MOCOS: variants seen among roughly 807,000 people sequenced by gnomAD.
MOCOS encodes the protein human molybdenum cofactor sulfurase.
A neutral mutation model predicts 83.6 loss-of-function variants in MOCOS; 86 were observed. The ratio of observed to expected loss-of-function variants is 1.03; its 90% CI spans 0.86 to 1.23. MOCOS has a LOEUF of 1.23. Among genes scored for constraint, MOCOS ranks in the 50% most tolerant of loss-of-function variants. MOCOS has a pLI of 0.00. For synonymous variants in MOCOS, 445 were observed against 434.7 expected (o/e 1.02, Z -0.29); for missense variants, 1,120 against 1,126.9 (o/e 0.99, Z 0.09).
At chr18:36,202,501 GA>G (rs1338608768) in intron 4 of MOCOS, among the ~76,000 whole-genome samples, 7 of 152,140 alleles carry the variant, frequency 4.6e-5, no homozygotes, top group Non-Finnish European at 7.3e-5. Context: ...GCCACCCTAG[GA>G]AATTTAGAGC....
intron 13 of MOCOS, among the ~76,000 whole-genome samples, chr18:36,263,883 A>G (rs931394729): frequency 2.0e-5 from 3 of 152,154 alleles, no homozygotes; most frequent in Non-Finnish European, 2.9e-5. Flanking sequence ...TTTCTTTTGT[A>G]TTGGTGTTTG....
intron 9 of MOCOS, among the ~76,000 whole-genome samples, chr18:36,238,705 C>T (rs1246822676): frequency 9.1e-6 from 1 of 109,714 alleles, no homozygotes; most frequent in Non-Finnish European, 2.1e-5. Context: ...CTTTCTGTCT[C>T]GTTGATCTGT....
chr18:36,249,056 G>A, intron 10 of MOCOS, 56 bp downstream of exon 10: 1 of 1,463,418 alleles, frequency 6.8e-7, no homozygotes, highest in Admixed American at 1.7e-5. Context: ...GGCACAGAGG[G>A]GGAAGAGGGT....
At position 36,268,679 on chromosome 18, in the gene MOCOS, C is replaced by T. The variant is rs770248924; in HGVS notation, c.2661C>T (p.Thr887=). The T allele has an allele frequency of 1.9e-6, 3 of 1,584,360 alleles. No individual in the cohort carries two copies. Among genetic ancestry groups the T allele is most frequent in the Non-Finnish European group, 2.6e-6 (3 of 1,171,342 alleles). ...LPASEKHQDV[T]S The stretch of plus-strand genomic sequence containing the variant: ...CATCTGAGAAACACCAGGATGTTAC[C>T]TCCTAAAAAAAATTTTTAGCATAAA... Residue 887 remains threonine, a synonymous_variant, in exon 15 of 15, where the codon ACC becomes ACT. Transcript: ENST00000261326.
At chr18:36,189,641 G>C (rs930583260) in intron 1 of MOCOS, among the ~76,000 whole-genome samples, 1 of 152,216 alleles carries the variant, frequency 6.6e-6, no homozygotes, top group Non-Finnish European at 1.5e-5. Context: ...TTTGTGAAGG[G>C]AGAGTATTGA....
intron 9 of MOCOS, among the ~76,000 whole-genome samples, chr18:36,244,533 A>G (rs1397650983): frequency 1.3e-5 from 2 of 152,048 alleles, no homozygotes; most frequent in African/African-American, 2.4e-5. Context: ...GACTTGTTTT[A>G]TGGCCATGAT....
At chr18:36,232,891 A>G (rs982686246) in intron 9 of MOCOS, among the ~76,000 whole-genome samples, 3 of 118,136 alleles carry the variant, frequency 2.5e-5, no homozygotes, top group Non-Finnish European at 3.9e-5. Context: ...CACACACACC[A>G]TTTTCTTTAT....
intron 11 of MOCOS, among the ~76,000 whole-genome samples, chr18:36,253,989 G>T (rs2091631740): frequency 6.6e-6 from 1 of 152,178 alleles, no homozygotes; most frequent in Admixed American, 6.5e-5. Flanking sequence ...GGCACAGGTG[G>T]GAGGCAGCTG....
chr18:36,251,395 A>AG, intron 11 of MOCOS, 112 bp downstream of exon 11: 3 of 1,400,462 alleles, frequency 2.1e-6, no homozygotes, highest in Admixed American at 3.4e-5. Context: ...TATGGAAAGC[A>AG]GGGGTCATCA....
chr18:36,211,462 C>T (rs1056747925), intron 6 of MOCOS, among the ~76,000 whole-genome samples: 2 of 151,980 alleles, frequency 1.3e-5, no homozygotes, highest in African/African-American at 4.8e-5. Flanking sequence ...AAATGAGACA[C>T]AATATATACA....
chr18:36,251,094 A>C (rs576766555), intron 10 of MOCOS, 65 bp from the exon 11 acceptor site: 1 of 1,550,682 alleles, frequency 6.4e-7, no homozygotes, highest in Admixed American at 1.7e-5. Context: ...AACTTTTTGC[A>C]ATTCAGATTA....
chr18:36,263,572 A>G (rs957327074), intron 13 of MOCOS, among the ~76,000 whole-genome samples: 1 of 152,186 alleles, frequency 6.6e-6, no homozygotes, highest in African/African-American at 2.4e-5. Context: ...GCACATACAC[A>G]GTTGTATGCA....
In MOCOS at chr18:36,257,053, T is replaced by C; in HGVS notation, c.2250T>C (p.Leu750=). 6.2e-7 allele frequency: 1 copy of C among 1,614,040 alleles called. No individual in the cohort carries two copies. The highest frequency in any genetic ancestry group is 8.5e-7 in the Non-Finnish European group (1 of 1,179,906). ...TCAACACATCCAGTATTTTGGAACTTCACCGGCAACTAAACACCAGGTAAG... is the reference window on the plus strand; with the variant it reads ...TCAACACATCCAGTATTTTGGAACTCCACCGGCAACTAAACACCAGGTAAG... ...LLINTSSILE[L]HRQLNTSDEN... Residue 750 remains leucine, a synonymous_variant, in exon 12 of 15, where the codon CTT becomes CTC. Coordinates refer to ENST00000261326, the MANE Select transcript of MOCOS (RefSeq NM_017947.4).
chr18:36,243,640 A>G (rs909861851), intron 9 of MOCOS, among the ~76,000 whole-genome samples: 4 of 151,898 alleles, frequency 2.6e-5, no homozygotes, highest in African/African-American at 7.3e-5. Flanking sequence ...AGAATGATTT[A>G]GGGAGGATTC....
intron 14 of MOCOS, among the ~76,000 whole-genome samples, chr18:36,267,106 A>C (rs1482571555): frequency 6.6e-6 from 1 of 152,116 alleles, no homozygotes; most frequent in Non-Finnish European, 1.5e-5. Context: ...GATATGGAGT[A>C]CAAAAAAAAC....
rs527765895 is a variant in MOCOS at position 36,212,746 on chromosome 18, A to G, written c.1219-620A>G. 5.7e-4 allele frequency among the ~76,000 whole-genome samples: 87 copies of G among 152,280 alleles called. 3 individuals carry two copies. The South Asian group carries it at 0.018, about 31-fold the overall frequency. On this transcript the variant is annotated intron_variant, in intron 6 of 14. Coordinates refer to ENST00000261326, the MANE Select transcript of MOCOS (RefSeq NM_017947.4). ...ACCCCACATGTGACTTCCCAGGGAG[A>G]AAAATTCAAAGGCTCACTCAGCTGA... is the stretch of plus-strand genomic sequence containing the variant.
chr18:36,193,533 A>G (rs2091375158), intron 1 of MOCOS, among the ~76,000 whole-genome samples: 1 of 152,130 alleles, frequency 6.6e-6, no homozygotes, highest in African/African-American at 2.4e-5. Context: ...CTGGATATCA[A>G]CATGCAAAAG....
intron 9 of MOCOS, among the ~76,000 whole-genome samples, chr18:36,228,131 A>G (rs1179252642): frequency 1.3e-5 from 2 of 152,244 alleles, no homozygotes; most frequent in Admixed American, 6.5e-5. Context: ...ACAATGAGAT[A>G]TCATCTAACA....
chr18:36,218,837 TTTTATTTA>T (rs34171207), intron 8 of MOCOS, among the ~76,000 whole-genome samples: 6,974 of 133,894 alleles, frequency 0.052, 200 homozygotes, highest in South Asian at 0.09. Context: ...CTTTATTTTA[TTTTATTTA>T]TTTATTTATT....
Sources: allele counts gnomAD v4.1 joint callset (sites outside exome capture counted in the v4.1 genomes callset), GRCh38; gene constraint gnomAD v4.1.1; transcripts MANE v1.5; gene names NCBI Gene and HGNC (gene_info 2026-07-23, HGNC 2026-07-21).